COG5: variants seen among roughly 807,000 people sequenced by gnomAD.
COG5 encodes conserved oligomeric Golgi complex subunit 5.
COG5 carries 86 observed loss-of-function variants against 110.4 expected under a neutral mutation model. The ratio of observed to expected loss-of-function variants is 0.78; its 90% CI spans 0.65 to 0.93. The LOEUF (loss-of-function observed/expected upper bound fraction) is 0.93, where lower values mean the gene tolerates loss of function less well. Among genes scored for constraint, COG5 ranks in the 40% least tolerant of loss-of-function variants. The probability of loss-of-function intolerance (pLI) is 0.00; values close to 1 mark genes in which losing one functional copy is unlikely to be tolerated. For missense variants in COG5, 1,077 were observed against 987.0 expected, an observed-to-expected ratio of 1.09 and a Z score of -1.22; for synonymous variants, 360 against 334.6, an observed-to-expected ratio of 1.08 and a Z score of -0.83.
intron 6 of COG5, among the ~76,000 whole-genome samples, chr7:107,414,702 C>CTT (rs1563019968): frequency 9.9e-6 from 1 of 100,712 alleles, no homozygotes; most frequent in East Asian, 3.0e-4. Context: ...CCTCACTGTC[C>CTT]CTTTTTTTTT....
chr7:107,438,713 G>C (rs1584823508), intron 6 of COG5, among the ~76,000 whole-genome samples: 1 of 152,090 alleles, frequency 6.6e-6, no homozygotes, highest in African/African-American at 2.4e-5. Context: ...ACCAAACAAT[G>C]GTACTTACAA....
chr7:107,348,229 T>A (rs187750037), intron 10 of COG5, among the ~76,000 whole-genome samples: 1 of 152,176 alleles, frequency 6.6e-6, no homozygotes, highest in East Asian at 1.9e-4. Flanking sequence ...GTGGTAATAT[T>A]GAAAATTTTT....
intron 5 of COG5, among the ~76,000 whole-genome samples, chr7:107,529,430 C>T (rs529322830): frequency 6.6e-6 from 1 of 152,178 alleles, no homozygotes; most frequent in African/African-American, 2.4e-5. Context: ...AATGCAAATG[C>T]CAGGGAGAAG....
intron 16 of COG5, among the ~76,000 whole-genome samples, chr7:107,254,103 G>GA (rs747052332): frequency 7.3e-5 from 11 of 151,296 alleles, no homozygotes; most frequent in Non-Finnish European, 1.0e-4. Context: ...TTGAATAAAT[G>GA]AAAAAAAAGA....
At chr7:107,380,797 TA>T (rs1563000297) in intron 7 of COG5, among the ~76,000 whole-genome samples, 1 of 152,122 alleles carries the variant, frequency 6.6e-6, no homozygotes, top group Non-Finnish European at 1.5e-5. Flanking sequence ...GATTCCTCCC[TA>T]ACTCATTTTA....
intron 6 of COG5, among the ~76,000 whole-genome samples, chr7:107,520,776 C>T (rs1341120941): frequency 6.6e-6 from 1 of 152,140 alleles, no homozygotes; most frequent in Non-Finnish European, 1.5e-5. Flanking sequence ...ACATTCTTCA[C>T]AGAGTTAGAA....
chr7:107,262,401 A>G (rs1333664935), intron 14 of COG5, among the ~76,000 whole-genome samples: 1 of 152,156 alleles, frequency 6.6e-6, no homozygotes, highest in Non-Finnish European at 1.5e-5. Context: ...GATCCAGTGC[A>G]ACTGTGGAGA....
intron 7 of COG5, among the ~76,000 whole-genome samples, chr7:107,403,632 C>T (rs1791601636): frequency 6.6e-6 from 1 of 151,590 alleles, no homozygotes; most frequent in Admixed American, 6.6e-5. Context: ...AAAGGATAAG[C>T]AGCTCTCTCA....
At chr7:107,203,771 G>C in intron 21 of COG5, 141 bp from the exon 22 acceptor site, 1 of 663,278 alleles carries the variant, frequency 1.5e-6, no homozygotes, top group Non-Finnish European at 2.7e-6. Context: ...GTGACCAACA[G>C]CCTTCACTCA....
At chr7:107,484,178 G>A (rs527774431) in intron 6 of COG5, among the ~76,000 whole-genome samples, 65 of 152,186 alleles carry the variant, frequency 4.3e-4, no homozygotes, top group African/African-American at 1.5e-3. Context: ...AGCCTCTCGA[G>A]TGGCTGGGGT....
chr7:107,515,241 C>A (rs1002462161), intron 6 of COG5, among the ~76,000 whole-genome samples: 1 of 151,852 alleles, frequency 6.6e-6, no homozygotes, highest in Non-Finnish European at 1.5e-5. Context: ...TAAATAGCTA[C>A]CTAGAATTAA....
chr7:107,529,524 C>T (rs752025918), intron 5 of COG5, among the ~76,000 whole-genome samples: 1 of 152,122 alleles, frequency 6.6e-6, no homozygotes, highest in African/African-American at 2.4e-5. Flanking sequence ...GGAAGAAAGC[C>T]TCAGGTGGGC....
intron 3 of COG5, among the ~76,000 whole-genome samples, 186 bp from the exon 4 acceptor site, chr7:107,548,518 C>T (rs564288787): frequency 1.3e-5 from 2 of 152,284 alleles, no homozygotes; most frequent in African/African-American, 4.8e-5. Context: ...CCCCTCCAAT[C>T]TTTGCCTCAC....
chr7:107,429,536 T>C (rs914167179), intron 6 of COG5, among the ~76,000 whole-genome samples: 2 of 151,986 alleles, frequency 1.3e-5, no homozygotes, highest in African/African-American at 4.8e-5. Flanking sequence ...CAAGCAGTCC[T>C]ACTGTTTCAA....
At chr7:107,529,715 G>T (rs749297484) in intron 5 of COG5, among the ~76,000 whole-genome samples, 2 of 152,156 alleles carry the variant, frequency 1.3e-5, no homozygotes, top group Non-Finnish European at 1.5e-5. Context: ...TCTTCCAAGC[G>T]TACTTTCCTT....
intron 5 of COG5, among the ~76,000 whole-genome samples, chr7:107,535,437 G>C (rs1303728785): frequency 6.6e-6 from 1 of 151,614 alleles, no homozygotes; most frequent in Admixed American, 6.6e-5. Context: ...CAGAAGAAAA[G>C]AGAAGAATCA....
chr7:107,513,300 C>T (rs1169617612), intron 6 of COG5, among the ~76,000 whole-genome samples: 1 of 152,032 alleles, frequency 6.6e-6, no homozygotes, highest in Non-Finnish European at 1.5e-5. Flanking sequence ...TGAAAAAATG[C>T]TCATCATCAC....
chr7:107,401,876 C>T (rs910844164), intron 7 of COG5, among the ~76,000 whole-genome samples: 1 of 152,142 alleles, frequency 6.6e-6, no homozygotes, highest in African/African-American at 2.4e-5. Flanking sequence ...GAACTACTAT[C>T]GCAAACTACA....
intron 6 of COG5, among the ~76,000 whole-genome samples, chr7:107,445,821 C>T (rs1794973703): frequency 6.6e-6 from 1 of 152,188 alleles, no homozygotes; most frequent in Admixed American, 6.5e-5. Flanking sequence ...ATTGAGTAAT[C>T]ATGCGCTAGG....
Sources: allele counts gnomAD v4.1 joint callset (sites outside exome capture counted in the v4.1 genomes callset), GRCh38; gene constraint gnomAD v4.1.1; transcripts MANE v1.5; gene names NCBI Gene and HGNC (gene_info 2026-07-23, HGNC 2026-07-21).